Variants in SEMA6D observed in about 807,000 individuals in gnomAD.
The protein encoded by SEMA6D is semaphorin-6D.
SEMA6D carries 35 observed loss-of-function variants against 106.6 expected under a neutral mutation model. The ratio of observed to expected loss-of-function variants is 0.33; its 90% confidence interval spans 0.25 to 0.44. The LOEUF (loss-of-function observed/expected upper bound fraction) is 0.44, where lower values mean the gene tolerates loss of function less well. SEMA6D is among the 20% of genes least tolerant of loss of function. The pLI, the probability that SEMA6D is intolerant of heterozygous loss-of-function variation, is 1.00. For synonymous variants in SEMA6D, 499 were observed against 487.7 expected (o/e 1.02, Z -0.31); for missense variants, 1,185 against 1,345.9 (o/e 0.88, Z 1.87).
chr15:47,762,184 A>T lies in SEMA6D; in HGVS notation c.539-16A>T, dbSNP rs1469054413. On this transcript the variant is annotated splice_polypyrimidine_tract_variant and intron_variant, in intron 7 of 18. Transcript: ENST00000536845. ...TAATTATGGTTATCTTACCAAAATTATACCTTTGGTTTCAGATGGGAAGCT... is the reference window on the plus strand; with the variant it reads ...TAATTATGGTTATCTTACCAAAATTTTACCTTTGGTTTCAGATGGGAAGCT... 6.2e-7 allele frequency: 1 copy of T among 1,613,538 alleles called. No individual in the cohort carries two copies. The highest frequency in any genetic ancestry group is 8.5e-7 in the Non-Finnish European group (1 of 1,179,554).
intron 3 of SEMA6D, among the ~76,000 whole-genome samples, chr15:47,598,052 G>T (rs750717352): frequency 5.3e-5 from 8 of 151,842 alleles, no homozygotes; most frequent in Non-Finnish European, 8.8e-5. Context: ...TATTTCAGAA[G>T]AACTCTGAAT....
chr15:47,564,912 A>G (rs2046186478), intron 3 of SEMA6D, among the ~76,000 whole-genome samples: 1 of 152,212 alleles, frequency 6.6e-6, no homozygotes, highest in Non-Finnish European at 1.5e-5. Flanking sequence ...TCAGAGGGAC[A>G]GCTTGACAGT....
At chr15:47,432,320 A>T (rs1205790055) in intron 2 of SEMA6D, among the ~76,000 whole-genome samples, 1 of 152,138 alleles carries the variant, frequency 6.6e-6, no homozygotes, top group Non-Finnish European at 1.5e-5. Context: ...ATGATTTATA[A>T]ATATGGTTCG....
chr15:47,289,614 G>A (rs2035518803), intron 1 of SEMA6D, among the ~76,000 whole-genome samples: 2 of 152,034 alleles, frequency 1.3e-5, no homozygotes, highest in African/African-American at 4.8e-5. Flanking sequence ...TGGCTGTGTT[G>A]TTTCTATAGA....
At chr15:47,301,943 G>A (rs1390367325) in intron 1 of SEMA6D, among the ~76,000 whole-genome samples, 1 of 152,068 alleles carries the variant, frequency 6.6e-6, no homozygotes, top group African/African-American at 2.4e-5. Flanking sequence ...TTAAAATCTA[G>A]GCTTTTATTC....
At chr15:47,601,307 C>T (rs2076653469) in intron 4 of SEMA6D, among the ~76,000 whole-genome samples, 1 of 152,160 alleles carries the variant, frequency 6.6e-6, no homozygotes, top group African/African-American at 2.4e-5. Flanking sequence ...CAGCACAGCC[C>T]TAACCTTTCA....
chr15:47,471,873 C>T (rs544698113), intron 3 of SEMA6D, among the ~76,000 whole-genome samples: 6 of 150,736 alleles, frequency 4.0e-5, no homozygotes, highest in African/African-American at 1.2e-4. Context: ...TACCAACCTC[C>T]GGTGATCAGA....
intron 1 of SEMA6D, chr15:47,730,799 G>C (rs539916380): frequency 6.3e-7 from 1 of 1,588,856 alleles, no homozygotes; most frequent in Non-Finnish European, 8.5e-7. Flanking sequence ...TCTCTTTTGG[G>C]CTGGATGTCC....
intron 4 of SEMA6D, among the ~76,000 whole-genome samples, chr15:47,615,447 C>T (rs765854507): frequency 6.6e-6 from 1 of 152,154 alleles, no homozygotes; most frequent in African/African-American, 2.4e-5. Flanking sequence ...AGTTTTCTCA[C>T]AGTTATTTTC....
chr15:47,320,069 A>T (rs528345580), intron 1 of SEMA6D, among the ~76,000 whole-genome samples: 6 of 152,096 alleles, frequency 3.9e-5, no homozygotes, highest in Non-Finnish European at 8.8e-5. Context: ...CTTTAAAAAC[A>T]TATGTTCACC....
At chr15:47,604,980 A>C (rs1036383263) in intron 4 of SEMA6D, among the ~76,000 whole-genome samples, 2 of 151,916 alleles carry the variant, frequency 1.3e-5, no homozygotes, top group Non-Finnish European at 2.9e-5. Flanking sequence ...TGCTGGGATT[A>C]CAGGCGTGAG....
intron 1 of SEMA6D, among the ~76,000 whole-genome samples, chr15:47,292,175 C>G (rs2035616927): frequency 6.6e-6 from 1 of 152,150 alleles, no homozygotes; most frequent in African/African-American, 2.4e-5. Flanking sequence ...TGAAAGGCCA[C>G]CATGAACTTT....
At chr15:47,742,238 T>C (rs1162817619) in intron 1 of SEMA6D, among the ~76,000 whole-genome samples, 1 of 152,216 alleles carries the variant, frequency 6.6e-6, no homozygotes, top group Non-Finnish European at 1.5e-5. Flanking sequence ...CACACTTGTA[T>C]AGCACCTTTA....
intron 1 of SEMA6D, among the ~76,000 whole-genome samples, chr15:47,737,790 T>C (rs1181319086): frequency 6.6e-6 from 1 of 152,214 alleles, no homozygotes; most frequent in Non-Finnish European, 1.5e-5. Flanking sequence ...AGAAGTAAAA[T>C]TACTAAGTCA....
intron 1 of SEMA6D, among the ~76,000 whole-genome samples, chr15:47,258,089 T>C (rs2142036371): frequency 6.6e-6 from 1 of 152,348 alleles, no homozygotes; most frequent in Middle Eastern, 3.4e-3. Flanking sequence ...ATATATCTTT[T>C]GCCATCTTTT....
intron 1 of SEMA6D, among the ~76,000 whole-genome samples, chr15:47,325,960 T>A (rs2037116216): frequency 6.6e-6 from 1 of 152,216 alleles, no homozygotes; most frequent in African/African-American, 2.4e-5. Flanking sequence ...AACTAGTTAT[T>A]AGAGCCTGCA....
At chr15:47,224,421 A>T (rs2031477454) in intron 1 of SEMA6D, among the ~76,000 whole-genome samples, 2 of 152,016 alleles carry the variant, frequency 1.3e-5, no homozygotes, top group Admixed American at 1.3e-4. Flanking sequence ...TATGCTAAGT[A>T]CTTTTCATAT....
chr15:47,248,699 G>T (rs561423193), intron 1 of SEMA6D, among the ~76,000 whole-genome samples: 24 of 152,272 alleles, frequency 1.6e-4, no homozygotes, highest in Non-Finnish European at 3.1e-4. Flanking sequence ...TTATTCCACT[G>T]ATTTACAATG....
At chr15:47,524,657 A>G (rs1596238172) in intron 3 of SEMA6D, among the ~76,000 whole-genome samples, 1 of 152,194 alleles carries the variant, frequency 6.6e-6, no homozygotes, top group African/African-American at 2.4e-5. Flanking sequence ...ACAGAACTAC[A>G]GTATCAAGAT....
Sources: allele counts gnomAD v4.1 joint callset (sites outside exome capture counted in the v4.1 genomes callset), GRCh38; gene constraint gnomAD v4.1.1; transcripts MANE v1.5; gene names NCBI Gene and HGNC (gene_info 2026-07-23, HGNC 2026-07-21).